Variants in KCTD16 observed in about 807,000 individuals in gnomAD.
KCTD16 encodes the protein BTB/POZ domain-containing protein KCTD16.
Under a neutral mutation model 33.2 loss-of-function variants are expected in KCTD16, and 13 were observed. That is an observed-to-expected ratio of 0.39 (90% CI 0.25 to 0.62). The LOEUF (loss-of-function observed/expected upper bound fraction) is 0.62, where lower values mean the gene tolerates loss of function less well. KCTD16 is among the 20% of genes least tolerant of loss of function. The pLI is 0.50. For synonymous variants in KCTD16, 197 were observed against 195.3 expected (o/e 1.01, Z -0.07); for missense variants, 441 against 525.1 (o/e 0.84, Z 1.57).
chr5:144,426,036 C>G (rs115410643), intron 3 of KCTD16, among the ~76,000 whole-genome samples: 21 of 152,262 alleles, frequency 1.4e-4, no homozygotes, highest in Non-Finnish European at 2.5e-4. Context: ...TTCTGCTTCT[C>G]TTTTATTGAT....
intron 3 of KCTD16, among the ~76,000 whole-genome samples, chr5:144,437,779 AG>A (rs1247363925): frequency 6.6e-6 from 1 of 152,156 alleles, no homozygotes. Flanking sequence ...ATAAAATGAG[AG>A]GGTTGACCAC....
At chr5:144,439,548 C>T (rs1753653482) in intron 3 of KCTD16, 1 of 188,880 alleles carries the variant, frequency 5.3e-6, no homozygotes, top group Non-Finnish European at 1.1e-5. Context: ...TTTCTGATAA[C>T]ACTATTATTT....
intron 3 of KCTD16, among the ~76,000 whole-genome samples, chr5:144,286,295 G>A (rs992317750): frequency 6.6e-6 from 1 of 151,986 alleles, no homozygotes; most frequent in African/African-American, 2.4e-5. Context: ...ATAGGTGTGG[G>A]TGAACCTATA....
intron 3 of KCTD16, among the ~76,000 whole-genome samples, chr5:144,334,971 G>T (rs1305780392): frequency 6.6e-6 from 1 of 151,644 alleles, no homozygotes; most frequent in Non-Finnish European, 1.5e-5. Context: ...GTAGAGATCT[G>T]GTCTCACTAT....
intron 3 of KCTD16, among the ~76,000 whole-genome samples, chr5:144,456,123 C>G (rs1173444337): frequency 6.6e-6 from 1 of 151,960 alleles, no homozygotes; most frequent in Non-Finnish European, 1.5e-5. Context: ...GAGCTTAACC[C>G]TTTTCTCTAG....
At chr5:144,336,426 A>G (rs1053017109) in intron 3 of KCTD16, among the ~76,000 whole-genome samples, 1 of 152,214 alleles carries the variant, frequency 6.6e-6, no homozygotes, top group Non-Finnish European at 1.5e-5. Flanking sequence ...CTGCATGTGC[A>G]TGCTGTGAAT....
rs1445244767 is a variant in KCTD16 at position 144,480,852 on chromosome 5, G to A, written c.*6738G>A. The A allele has an allele frequency of 6.6e-6, 1 of 151,774 alleles. No individual in the cohort carries two copies. Among genetic ancestry groups the A allele is most frequent in the Non-Finnish European group, 1.5e-5 (1 of 67,904 alleles). The allele number at this position is 151,774 out of a possible 1,614,324, so 9.4% of individuals were successfully genotyped here. A position where few individuals can be genotyped will look rare whatever the true frequency, so the allele number is the denominator to read the frequency against. On this transcript the variant is annotated 3_prime_UTR_variant, in exon 4 of 4. Transcript: ENST00000512467. ...TTAAGCATGAGTTTAAATTTGTCAA[G>A]GCATTTTTTTTTCTGTACCATATAC...
At chr5:144,332,852 G>A (rs1188519807) in intron 3 of KCTD16, among the ~76,000 whole-genome samples, 2 of 152,204 alleles carry the variant, frequency 1.3e-5, no homozygotes, top group Admixed American at 1.3e-4. Flanking sequence ...TGGACTCACA[G>A]TTCCACATAG....
intron 3 of KCTD16, among the ~76,000 whole-genome samples, chr5:144,307,482 A>G (rs1358064643): frequency 6.6e-6 from 1 of 152,144 alleles, no homozygotes; most frequent in Non-Finnish European, 1.5e-5. Context: ...GGTATTCACT[A>G]TGTGCCAAGC....
rs888651427 is a variant in KCTD16, at chr5:144,445,564, T to A, written c.833-28096T>A. ...AATTTGAACTTAACAGTTTATGTTG[T>A]TTATTTATATGTGATTATGTTCCCA... is the stretch of plus-strand genomic sequence containing the variant. On this transcript the variant is annotated intron_variant, in intron 3 of 3. Coordinates refer to ENST00000512467, the MANE Select transcript of KCTD16 (RefSeq NM_020768.4). Among the ~76,000 whole-genome samples, 2 of 152,054 alleles carry A rather than the reference T, an allele frequency of 1.3e-5. 1 individual carries two copies. Among genetic ancestry groups the A allele is most frequent in the South Asian group, 4.1e-4 (2 of 4,828 alleles).
chr5:144,289,767 G>A (rs1755844060), intron 3 of KCTD16, among the ~76,000 whole-genome samples: 1 of 150,968 alleles, frequency 6.6e-6, no homozygotes, highest in Admixed American at 6.6e-5. Flanking sequence ...GAACCCAATT[G>A]GCTACTAGAT....
intron 3 of KCTD16, among the ~76,000 whole-genome samples, chr5:144,361,906 TTG>T (rs3996310): frequency 0.51 from 72,864 of 143,700 alleles, 18,152 homozygotes; most frequent in South Asian, 0.64. Context: ...TGGTGTTATT[TTG>T]TGTGTGTGTG....
chr5:144,219,395 G>A (rs907239844), intron 3 of KCTD16, among the ~76,000 whole-genome samples: 2 of 150,632 alleles, frequency 1.3e-5, no homozygotes, highest in South Asian at 4.2e-4. Flanking sequence ...TGTATTTTTA[G>A]TAGAGACAGG....
At chr5:144,279,835 G>T (rs1561551840) in intron 3 of KCTD16, among the ~76,000 whole-genome samples, 1 of 152,186 alleles carries the variant, frequency 6.6e-6, no homozygotes, top group Non-Finnish European at 1.5e-5. Context: ...ACACATTCAA[G>T]CCATAGCAAG....
intron 3 of KCTD16, among the ~76,000 whole-genome samples, chr5:144,368,682 A>G (rs985848134): frequency 1.3e-5 from 2 of 152,170 alleles, no homozygotes; most frequent in African/African-American, 4.8e-5. Flanking sequence ...TGACCCATGC[A>G]AACTAGGAGC....
At chr5:144,308,387 G>A (rs1003096875) in intron 3 of KCTD16, among the ~76,000 whole-genome samples, 7 of 152,168 alleles carry the variant, frequency 4.6e-5, no homozygotes, top group African/African-American at 1.2e-4. Flanking sequence ...CTTTATTTTC[G>A]TTGGCTCAGT....
intron 2 of KCTD16, among the ~76,000 whole-genome samples, chr5:144,185,045 T>C (rs1372194896): frequency 6.6e-6 from 1 of 152,204 alleles, no homozygotes; most frequent in Non-Finnish European, 1.5e-5. Context: ...ATCTTACATA[T>C]ATTAACTAAT....
chr5:144,200,574 A>G (rs1253126843), intron 2 of KCTD16, among the ~76,000 whole-genome samples: 3 of 152,246 alleles, frequency 2.0e-5, no homozygotes, highest in Admixed American at 6.5e-5. Context: ...GTCATTGGCC[A>G]TGATATCTCT....
Position 144,478,551 on chromosome 5 carries a change from G to A in KCTD16, c.*4437G>A, listed in dbSNP as rs1331778896. ...CATGTGTAGCACTTGTAAAAATGCA[G>A]ATTCCTTCAACCTAACTTCAAAGAG... On this transcript the variant is annotated 3_prime_UTR_variant, in exon 4 of 4. Coordinates refer to ENST00000512467, the MANE Select transcript of KCTD16 (RefSeq NM_020768.4). The A allele has an allele frequency of 6.6e-6, 1 of 152,042 alleles. No individual in the cohort carries two copies. The highest frequency in any genetic ancestry group is 1.5e-5 in the Non-Finnish European group (1 of 67,948). The allele number at this position is 152,042 out of a possible 1,614,324, so 9.4% of individuals were successfully genotyped here. A position where few individuals can be genotyped will look rare whatever the true frequency, so the allele number is the denominator to read the frequency against.
Sources: allele counts gnomAD v4.1 joint callset (sites outside exome capture counted in the v4.1 genomes callset), GRCh38; gene constraint gnomAD v4.1.1; transcripts MANE v1.5; gene names NCBI Gene and HGNC (gene_info 2026-07-23, HGNC 2026-07-21).